C1R: variants seen among roughly 807,000 people sequenced by gnomAD.
C1R encodes the protein complement C1r subcomponent.
Under a neutral mutation model 27.6 loss-of-function variants are expected in C1R, and 15 were observed. That is an observed-to-expected ratio of 0.54 (90% CI 0.36 to 0.84). The LOEUF is 0.84. Among genes scored for constraint, C1R ranks in the 40% least tolerant of loss-of-function variants. The probability of loss-of-function intolerance (pLI) is 0.01; values close to 1 mark genes in which losing one functional copy is unlikely to be tolerated. For missense variants in C1R, 544 were observed against 577.9 expected (o/e 0.94, Z 0.60); for synonymous variants, 253 against 228.8 (o/e 1.11, Z -0.95).
rs1026837259 is a variant in C1R at position 7,091,823 on chromosome 12, A to G, written c.3-143T>C. 2 of 705,488 alleles carry G rather than the reference A, an allele frequency of 2.8e-6. No individual in the cohort carries two copies. The highest frequency in any genetic ancestry group is 1.7e-5 in the African/African-American group (1 of 57,218). The allele number at this position is 705,488 out of a possible 1,614,324, so 43.7% of individuals were successfully genotyped here. A position where few individuals can be genotyped will look rare whatever the true frequency, so the allele number is the denominator to read the frequency against. Reference sequence around the variant, plus strand: ...CCCTGAACCTCACAGACATGTTCTCAGCAGGGGTGCGTGGGTGGGGAGGAT... The same window carrying G: ...CCCTGAACCTCACAGACATGTTCTCGGCAGGGGTGCGTGGGTGGGGAGGAT... On this transcript the variant is annotated intron_variant, in intron 1 of 10. Transcript: ENST00000647956. This position sits in a 1 kb window ranked among gnomAD's most constrained non-coding sequence, Gnocchi z 5.1.
intron 7 of C1R, chr12:7,088,311 C>G (rs1938187065): frequency 1.6e-6 from 1 of 628,830 alleles, no homozygotes; most frequent in Non-Finnish European, 2.8e-6. Context: ...GGGCCCTCAT[C>G]TTCAGTATTT....
intron 1 of C1R, chr12:7,092,094 G>T: frequency 5.1e-6 from 3 of 585,720 alleles, no homozygotes; most frequent in Non-Finnish European, 6.1e-6. Flanking sequence ...TGGAGTGGGG[G>T]ACACAGGCAC....
At chr12:7,090,365 G>A in intron 2 of C1R, 117 bp from the exon 3 acceptor site, 1 of 619,198 alleles carries the variant, frequency 1.6e-6, no homozygotes, top group Non-Finnish European at 2.9e-6. Context: ...CAATGGCTCT[G>A]GCTGGTCACT....
In C1R at chr12:7,088,708, T is replaced by A. The variant is rs1267707815; in HGVS notation, c.940A>T (p.Thr314Ser). 2 of 776,764 alleles carry A rather than the reference T, an allele frequency of 2.6e-6. No individual in the cohort carries two copies. Among genetic ancestry groups the A allele is most frequent in the Non-Finnish European group, 4.8e-6 (2 of 416,296 alleles). 48.1% of individuals were successfully genotyped at this position (776,764 alleles called of 1,614,324 possible). ...TGGATGATGGTGAACTCGTCTAGGG[T>A]CTTGGGCTGGGGGCACTTGATGACT... Reference protein sequence around the residue: ...TEIIKCPQPKTLDEFTIIQNL... With the variant: ...TEIIKCPQPKSLDEFTIIQNL... The change falls in exon 7 of 11, where the codon ACC becomes TCC. Residue 314 changes from threonine to serine, a missense_variant. Physicochemically the swap from Thr to Ser is moderately conservative, Grantham distance 58 (BLOSUM62 1). Around this residue, in one of 2 missense-constraint regions of C1R, gnomAD observed 291 missense variants for 209.0 expected, o/e 1.39. Transcript: ENST00000647956.
chr12:7,088,444 CTGTTT>C, intron 7 of C1R, 161 bp downstream of exon 7: 1 of 707,120 alleles, frequency 1.4e-6, no homozygotes, highest in South Asian at 1.5e-5. Flanking sequence ...TTTAAACTCT[CTGTTT>C]TAAGTGTGCA....
At chr12:7,092,014 G>A (rs1249381119) in intron 1 of C1R, 1 of 563,302 alleles carries the variant, frequency 1.8e-6, no homozygotes, top group Non-Finnish European at 3.2e-6. Context: ...TGGAGGGTGA[G>A]GGTTTCCACC....
chr12:7,085,006 TGATGG>T (rs1938121727), intron 9 of C1R, among the ~76,000 whole-genome samples: 6 of 149,234 alleles, frequency 4.0e-5, no homozygotes, highest in African/African-American at 1.0e-4. Flanking sequence ...ATGGTGGTGG[TGATGG>T]TGGTGTTGGT....
At chr12:7,085,301 ATGGTGGTGATGGTGGTGT>A (rs1262341435) in intron 9 of C1R, among the ~76,000 whole-genome samples, 5 of 129,760 alleles carry the variant, frequency 3.9e-5, no homozygotes, top group African/African-American at 9.1e-5. Context: ...GATAGTGGTG[ATGGTGGTGATGGTGGTGT>A]TAGTGTTGGT....
chr12:7,091,317 C>G lies in C1R; in HGVS notation c.231+135G>C, dbSNP rs1938268162. The G allele has an allele frequency of 1.5e-6, 1 of 648,738 alleles. No homozygotes were observed. The highest frequency in any genetic ancestry group is 1.8e-5 in the African/African-American group (1 of 54,294). The allele number at this position is 648,738 out of a possible 1,614,324, so 40.2% of individuals were successfully genotyped here. On this transcript the variant is annotated intron_variant, in intron 2 of 10. Transcript: ENST00000647956. This position sits in a 1 kb window ranked among gnomAD's most constrained non-coding sequence, Gnocchi z 5.1. ...CAGTGAGCGCCCATCCAGGGCATCC[C>G]CGGGCTCTCAGAGAGGCCGTTGGCC...
At chr12:7,092,195 A>G (rs937982946) in intron 1 of C1R, 192 bp downstream of exon 1, 9 of 650,810 alleles carry the variant, frequency 1.4e-5, no homozygotes, top group Non-Finnish European at 2.0e-5. Context: ...ATGAGCATCT[A>G]TGTATGAAGT....
Position 7,091,850 on chromosome 12 carries a change from G to C in C1R, c.3-170C>G. 1 of 699,734 alleles carries C rather than the reference G, an allele frequency of 1.4e-6. No individual in the cohort carries two copies. The highest frequency in any genetic ancestry group is 2.6e-6 in the Non-Finnish European group (1 of 383,438). The allele number at this position is 699,734 out of a possible 1,614,324, so 43.3% of individuals were successfully genotyped here. On this transcript the variant is annotated intron_variant, in intron 1 of 10. Transcript: ENST00000647956. This position sits in a 1 kb window ranked among gnomAD's most constrained non-coding sequence, Gnocchi z 5.1. Reference sequence around the variant, plus strand: ...CAGGGGTGCGTGGGTGGGGAGGATGGCCTGTGCAGCTGCTGCATCGGGTCA... The same window carrying C: ...CAGGGGTGCGTGGGTGGGGAGGATGCCCTGTGCAGCTGCTGCATCGGGTCA...
Position 7,091,657 on chromosome 12 carries a change from G to A in C1R, c.26C>T (p.Pro9Leu), listed in dbSNP as rs201255383. 3.1e-4 allele frequency: 230 copies of A among 745,364 alleles called. No individual in the cohort carries two copies. The highest frequency in any genetic ancestry group is 2.9e-4 in the Non-Finnish European group (115 of 399,914). The allele number at this position is 745,364 out of a possible 1,614,324, so 46.2% of individuals were successfully genotyped here. The change falls in exon 2 of 11, where the codon CCG becomes CTG. Residue 9 changes from proline (P) to leucine (L), a missense_variant. Around this residue, in one of 2 missense-constraint regions of C1R, gnomAD observed 291 missense variants for 209.0 expected, o/e 1.39. Transcript: ENST00000647956. The surrounding 1 kb of genome is among the most constrained non-coding windows in gnomAD (Gnocchi z 5.1). ...GCCTCCTGCCCTGCAGAACAGGGCCGGCACCAGGAGGTACAAGAGCCACCT... is the reference window on the plus strand; with the variant it reads ...GCCTCCTGCCCTGCAGAACAGGGCCAGCACCAGGAGGTACAAGAGCCACCT... The part of the protein sequence containing the change: MWLLYLLV[P>L]ALFCRAGGSI...
At position 7,080,918 on chromosome 12, in the gene C1R, G is replaced by C; in HGVS notation, c.1732C>G (p.Leu578Val). 1 of 1,613,136 alleles carries C rather than the reference G, an allele frequency of 6.2e-7. No individual in the cohort carries two copies. The highest frequency in any genetic ancestry group is 1.1e-5 in the South Asian group (1 of 91,074). The change falls in exon 11 of 11, where the codon CTC (leucine) becomes GTC (valine). Residue 578 changes from leucine (L) to valine (V), a missense_variant. Physicochemically the swap from Leu to Val is conservative, Grantham distance 32. Transcript: ENST00000647956. The surrounding 1 kb of genome is among the most constrained non-coding windows in gnomAD (Gnocchi z 4.9). ...TCGTAGAAGGTATCGTTGTCAGGGAGGCAGATGGGGAGGAGGTTGGGACCC... is the reference window on the plus strand; with the variant it reads ...TCGTAGAAGGTATCGTTGTCAGGGACGCAGATGGGGAGGAGGTTGGGACCC... ...TLGPNLLPICLPDNDTFYDLG... is the reference protein window; with the variant it reads ...TLGPNLLPICVPDNDTFYDLG...
intron 8 of C1R, 141 bp downstream of exon 8, chr12:7,086,238 G>A (rs1444916210): frequency 1.5e-5 from 6 of 397,490 alleles, no homozygotes; most frequent in Admixed American, 4.4e-5. Context: ...TCCTGAGATG[G>A]CCCATAGGCA....
chr12:7,081,975 T>G, intron 10 of C1R, 57 bp downstream of exon 10: 1 of 1,452,820 alleles, frequency 6.9e-7, no homozygotes, highest in Non-Finnish European at 9.3e-7. Flanking sequence ...ACACTGCTTT[T>G]GAGGCCCTGC....
At position 7,089,601 on chromosome 12, in the gene C1R, C is replaced by T; in HGVS notation, c.557G>A (p.Arg186Lys). 2 of 780,934 alleles carry T rather than the reference C, an allele frequency of 2.6e-6. No homozygotes were observed. The highest frequency in any genetic ancestry group is 4.8e-6 in the Non-Finnish European group (2 of 417,986). The allele number at this position is 780,934 out of a possible 1,614,324, so 48.4% of individuals were successfully genotyped here. The change falls in exon 4 of 11, where the codon AGG (arginine) becomes AAG (lysine). Residue 186 changes from arginine (R) to lysine (K), a missense_variant. Arg to Lys is a conservative substitution (Grantham distance 26). This residue lies in a region of C1R where 291 missense variants were observed against 209.0 expected (regional missense o/e 1.39). Coordinates refer to ENST00000647956, the MANE Select transcript of C1R (RefSeq NM_001733.7). ...CRPGYELQED[R>K]HSCQAECSSE... is the part of the protein sequence containing the mutation. ...CTCTGGCTCACCCTGGCAGGAATGCCTGTCTTCCTGAAGCTCATAGCCTGG... is the reference window on the plus strand; with the variant it reads ...CTCTGGCTCACCCTGGCAGGAATGCTTGTCTTCCTGAAGCTCATAGCCTGG...
rs114575199 is a variant in C1R at position 7,089,131 on chromosome 12, C to T, written c.769-145G>A. ...TTCAGGGGAAGGTGAAAAGGGATCC[C>T]CATGACCCAATTCTAGTTGTGTGGG... On this transcript the variant is annotated intron_variant, in intron 5 of 10. Transcript: ENST00000647956. The T allele has an allele frequency of 2.2e-4, 138 of 631,760 alleles. 2 individuals are homozygous for T. In the African/African-American group the frequency reaches 2.3e-3, roughly 11 times the overall value. 39.1% of individuals were successfully genotyped at this position (631,760 alleles called of 1,614,324 possible).
intron 1 of C1R, 150 bp downstream of exon 1, chr12:7,092,237 G>A (rs781229828): frequency 3.5e-5 from 25 of 707,546 alleles, no homozygotes; most frequent in South Asian, 1.7e-4. Flanking sequence ...GGGATGGGGC[G>A]TGTGTTGTGT....
intron 8 of C1R, 21 bp downstream of exon 8, chr12:7,086,358 T>C (rs1938155672): frequency 2.5e-6 from 1 of 398,606 alleles, no homozygotes. Context: ...CCCAGGGTCA[T>C]ATCCCTGAAT....
Sources: allele counts gnomAD v4.1 joint callset (sites outside exome capture counted in the v4.1 genomes callset), GRCh38; gene constraint gnomAD v4.1.1; regional missense constraint gnomAD v4.1.1; non-coding constraint Gnocchi (gnomAD v3.1); transcripts MANE v1.5; gene names NCBI Gene and HGNC (gene_info 2026-07-23, HGNC 2026-07-21).